Variants in PTPRD observed in about 807,000 individuals in gnomAD.
PTPRD encodes protein tyrosine phosphatase receptor type D.
PTPRD carries 34 observed loss-of-function variants against 214.5 expected under a neutral mutation model. The ratio of observed to expected loss-of-function variants is 0.16; its 90% CI spans 0.12 to 0.21. PTPRD has a LOEUF of 0.21. Among genes scored for constraint, PTPRD ranks in the 10% least tolerant of loss-of-function variants. The probability of loss-of-function intolerance (pLI) is 1.00; values close to 1 mark genes in which losing one functional copy is unlikely to be tolerated. For missense variants in PTPRD, 2,545 were observed against 2,398.7 expected, an observed-to-expected ratio of 1.06 and a Z score of -1.27; for synonymous variants, 1,128 against 845.7, an observed-to-expected ratio of 1.33 and a Z score of -5.79.
At chr9:10,424,380 C>G (rs1449928370) in intron 2 of PTPRD, among the ~76,000 whole-genome samples, 2 of 151,138 alleles carry the variant, frequency 1.3e-5, no homozygotes, top group East Asian at 3.9e-4. Context: ...TTTTAGGTAA[C>G]TGTTCAGAAC....
At chr9:9,721,358 T>C (rs2097940205) in intron 7 of PTPRD, among the ~76,000 whole-genome samples, 1 of 152,132 alleles carries the variant, frequency 6.6e-6, no homozygotes, top group African/African-American at 2.4e-5. Context: ...CAAAAGAGTA[T>C]AAGGACTATA....
At chr9:9,380,664 G>A (rs2061959624) in intron 9 of PTPRD, among the ~76,000 whole-genome samples, 1 of 152,060 alleles carries the variant, frequency 6.6e-6, no homozygotes, top group Non-Finnish European at 1.5e-5. Flanking sequence ...TGCCATTGTT[G>A]GATGAAGTGT....
At chr9:9,032,618 GA>G (rs5896296) in intron 10 of PTPRD, among the ~76,000 whole-genome samples, 146,728 of 151,288 alleles carry the variant, frequency 0.97, 71,304 homozygotes, top group Non-Finnish European at 1. Context: ...ATTGGTGCTA[GA>G]AAAAAAAAAT....
chr9:9,652,810 C>T (rs919491830), intron 7 of PTPRD, among the ~76,000 whole-genome samples: 1 of 151,784 alleles, frequency 6.6e-6, no homozygotes, highest in African/African-American at 2.4e-5. Flanking sequence ...GATGGGGCTT[C>T]ACCATATTAG....
intron 3 of PTPRD, among the ~76,000 whole-genome samples, chr9:10,083,953 G>A (rs1177749670): frequency 1.3e-5 from 2 of 151,884 alleles, no homozygotes; most frequent in African/African-American, 4.8e-5. Context: ...TGGAGTTGGG[G>A]ACACCTGAAT....
At chr9:10,578,390 T>C (rs1356402143) in intron 2 of PTPRD, among the ~76,000 whole-genome samples, 1 of 152,134 alleles carries the variant, frequency 6.6e-6, no homozygotes, top group Non-Finnish European at 1.5e-5. Flanking sequence ...AATAGTTATG[T>C]TCAGTTTTAA....
At chr9:9,098,652 AG>A in intron 10 of PTPRD, among the ~76,000 whole-genome samples, 1 of 152,358 alleles carries the variant, frequency 6.6e-6, no homozygotes, top group Non-Finnish European at 1.5e-5. Flanking sequence ...AATCATTACA[AG>A]TATGTTTATC....
At chr9:10,550,726 G>A (rs1040037095) in intron 2 of PTPRD, among the ~76,000 whole-genome samples, 3 of 152,214 alleles carry the variant, frequency 2.0e-5, no homozygotes, top group Admixed American at 6.5e-5. Flanking sequence ...CATGATATGT[G>A]CTTCAGGTGG....
Position 8,729,032 on chromosome 9 carries a change from T to C in PTPRD, c.64+4748A>G, listed in dbSNP as rs1453551488. On this transcript the variant is annotated intron_variant, in intron 12 of 45. Coordinates refer to ENST00000381196, the MANE Select transcript of PTPRD (RefSeq NM_002839.4). ...GCAAGATAATTCCTGGTCATATCAA[T>C]GGCCACTCACTCTCTTTCTCACCAA... Among the ~76,000 whole-genome samples the C allele has an allele frequency of 2.0e-5, 3 of 152,146 alleles. No homozygotes were observed. The East Asian group carries it at 5.8e-4, about 29-fold the overall frequency.
chr9:9,139,170 A>T, intron 10 of PTPRD, among the ~76,000 whole-genome samples: 1 of 150,292 alleles, frequency 6.7e-6, no homozygotes, highest in South Asian at 2.1e-4. Context: ...AACTGCAGAC[A>T]ATTCTGAACC....
chr9:10,071,124 T>C (rs897364485), intron 3 of PTPRD, among the ~76,000 whole-genome samples: 11 of 152,000 alleles, frequency 7.2e-5, no homozygotes, highest in Admixed American at 7.2e-4. Flanking sequence ...AAAATCTAAA[T>C]ACATGGAGAG....
intron 3 of PTPRD, among the ~76,000 whole-genome samples, chr9:10,047,882 A>T (rs1381008916): frequency 6.6e-6 from 1 of 152,162 alleles, no homozygotes; most frequent in Non-Finnish European, 1.5e-5. Context: ...TAAAAAGCCT[A>T]GCACAGAAAT....
chr9:10,559,038 G>C (rs992535740), intron 2 of PTPRD, among the ~76,000 whole-genome samples: 41 of 152,102 alleles, frequency 2.7e-4, no homozygotes, highest in Admixed American at 2.0e-4. Flanking sequence ...GAGGCTTGGA[G>C]ACAAGGTTAA....
intron 5 of PTPRD, among the ~76,000 whole-genome samples, chr9:9,815,160 C>T (rs1011492058): frequency 6.6e-6 from 1 of 152,080 alleles, no homozygotes; most frequent in Non-Finnish European, 1.5e-5. Context: ...AAAACAGACA[C>T]ATAGACTAAT....
chr9:9,089,781 A>T (rs948952581), intron 10 of PTPRD, among the ~76,000 whole-genome samples: 1 of 152,206 alleles, frequency 6.6e-6, no homozygotes, highest in Non-Finnish European at 1.5e-5. Context: ...AGTTTTGTGA[A>T]GGTTTCCAAA....
At chr9:8,886,463 A>G (rs933705599) in intron 11 of PTPRD, among the ~76,000 whole-genome samples, 2 of 152,186 alleles carry the variant, frequency 1.3e-5, no homozygotes, top group East Asian at 3.8e-4. Context: ...GTCATGATAT[A>G]GATGTTATGG....
intron 9 of PTPRD, among the ~76,000 whole-genome samples, chr9:9,219,528 A>C (rs1485002343): frequency 6.6e-6 from 1 of 152,166 alleles, no homozygotes; most frequent in Non-Finnish European, 1.5e-5. Flanking sequence ...TTTGTATTTA[A>C]AGTCATAGAG....
intron 10 of PTPRD, among the ~76,000 whole-genome samples, chr9:9,132,362 A>G (rs958639898): frequency 1.3e-5 from 2 of 152,172 alleles, no homozygotes; most frequent in Non-Finnish European, 2.9e-5. Context: ...TGATTTGGGT[A>G]AAGTCCATCT....
chr9:8,449,541 T>G (rs559912714), intron 34 of PTPRD, among the ~76,000 whole-genome samples, 184 bp downstream of exon 34: 1 of 152,344 alleles, frequency 6.6e-6, no homozygotes, highest in Non-Finnish European at 1.5e-5. Context: ...CAATTTCCGG[T>G]TTGCAGAAAG....
Sources: gnomAD v4.1 joint callset for allele counts (sites outside exome capture counted in the v4.1 genomes callset) on GRCh38, gnomAD v4.1.1 for gene constraint, MANE v1.5 for transcripts, NCBI Gene and HGNC (gene_info 2026-07-23, HGNC 2026-07-21) for gene names.